Variants in IGSF11 observed in about 807,000 individuals in gnomAD.
The protein encoded by IGSF11 is CXADR like 1.
IGSF11 carries 22 observed loss-of-function variants against 41.0 expected under a neutral mutation model. The ratio of observed to expected loss-of-function variants is 0.54; its 90% CI spans 0.38 to 0.77. IGSF11 has a LOEUF of 0.77. Ranked by LOEUF, IGSF11 falls within the 30% of genes least tolerant of loss-of-function variation. The pLI is 0.00. For missense variants in IGSF11, 444 were observed against 530.8 expected, an observed-to-expected ratio of 0.84 and a Z score of 1.61; for synonymous variants, 219 against 201.3, an observed-to-expected ratio of 1.09 and a Z score of -0.74.
chr3:118,948,921 G>A (rs1407093338), intron 1 of IGSF11, among the ~76,000 whole-genome samples: 11 of 149,450 alleles, frequency 7.4e-5, no homozygotes, highest in Non-Finnish European at 1.3e-4. Context: ...GCAGTGAGCC[G>A]AGATCGCGCC....
At chr3:118,992,654 A>G (rs1935901632) in intron 1 of IGSF11, among the ~76,000 whole-genome samples, 1 of 152,216 alleles carries the variant, frequency 6.6e-6, no homozygotes, top group South Asian at 2.1e-4. Flanking sequence ...CAGGCCCTTA[A>G]TTAAGTTACA....
At chr3:119,143,970 A>G (rs1025349312) in intron 1 of IGSF11, among the ~76,000 whole-genome samples, 2 of 151,924 alleles carry the variant, frequency 1.3e-5, no homozygotes, top group African/African-American at 4.8e-5. Flanking sequence ...AGAAAACAAC[A>G]AGCTCAAATT....
rs192046089 is a variant in IGSF11 at position 118,913,412 on chromosome 3, C to T, written c.581-7694G>A. 1.1e-4 allele frequency among the ~76,000 whole-genome samples: 17 copies of T among 152,120 alleles called. No homozygotes were observed. The East Asian group carries it at 3.1e-3, about 28-fold the overall frequency. ...CTACAGAACACCAAGTACAAAACAA[C>T]TGCAAAAAGCAAAGGAAGGAAAACA... On this transcript the variant is annotated intron_variant, in intron 4 of 6. Coordinates refer to ENST00000393775, the MANE Select transcript of IGSF11 (RefSeq NM_001015887.3).
intron 1 of IGSF11, among the ~76,000 whole-genome samples, chr3:118,965,138 A>G (rs1367363765): frequency 6.6e-6 from 1 of 152,184 alleles, no homozygotes; most frequent in Non-Finnish European, 1.5e-5. Flanking sequence ...TAGGCTGATT[A>G]TCTTCCCAGA....
rs10662902 is a variant in IGSF11, at chr3:119,029,237, T to TACACACACAC, written c.52+5284_52+5293dup. ...TAGACATGGTACTGCCTTTTGGGAA[T>TACACACACAC]ACACACACACACACACACACACACA... On this transcript the variant is annotated intron_variant, in intron 1 of 6. Coordinates refer to ENST00000393775, the MANE Select transcript of IGSF11 (RefSeq NM_001015887.3). Among the ~76,000 whole-genome samples the TACACACACAC allele has an allele frequency of 2.8e-3, 350 of 123,186 alleles. 1 individual carries two copies. Among genetic ancestry groups the TACACACACAC allele is most frequent in the East Asian group, 3.7e-3 (16 of 4,316 alleles). The allele number at this position is 123,186 out of a possible 152,430, so 80.8% of individuals were successfully genotyped here.
At chr3:119,055,425 C>A (rs1187532322) in intron 1 of IGSF11, among the ~76,000 whole-genome samples, 1 of 152,256 alleles carries the variant, frequency 6.6e-6, no homozygotes, top group Admixed American at 6.5e-5. Context: ...GCTAACTATC[C>A]TAAATACATA....
chr3:118,959,052 G>C (rs1415537525), intron 1 of IGSF11, among the ~76,000 whole-genome samples: 1 of 152,144 alleles, frequency 6.6e-6, no homozygotes, highest in Admixed American at 6.5e-5. Flanking sequence ...GTGTAGGGGA[G>C]AGAAGGCTGT....
upstream of IGSF11, among the ~76,000 whole-genome samples, chr3:119,035,418 G>A (rs1045581663): frequency 1.3e-5 from 2 of 152,166 alleles, no homozygotes; most frequent in Non-Finnish European, 2.9e-5. Context: ...AGTGGATAGA[G>A]GCTGGACCAT....
intron 4 of IGSF11, among the ~76,000 whole-genome samples, chr3:118,907,801 A>C (rs1435283047): frequency 6.6e-6 from 1 of 152,218 alleles, no homozygotes; most frequent in South Asian, 2.1e-4. Context: ...CCAAGTCCAA[A>C]GCTTATACTC....
At chr3:119,129,077 G>A (rs576312303) in intron 1 of IGSF11, among the ~76,000 whole-genome samples, 3 of 152,202 alleles carry the variant, frequency 2.0e-5, no homozygotes, top group East Asian at 3.9e-4. Context: ...ACCAAACACC[G>A]CATATTCTCA....
chr3:119,144,207 A>G (rs1279968629), intron 1 of IGSF11, among the ~76,000 whole-genome samples: 1 of 152,072 alleles, frequency 6.6e-6, no homozygotes, highest in Non-Finnish European at 1.5e-5. Context: ...ACACCACCAC[A>G]CCCGGCTGAT....
intron 1 of IGSF11, among the ~76,000 whole-genome samples, chr3:119,080,376 T>G (rs1010090841): frequency 6.6e-6 from 1 of 152,190 alleles, no homozygotes; most frequent in Non-Finnish European, 1.5e-5. Context: ...CTCATTTTAC[T>G]CCAAAAAAAT....
At chr3:119,039,793 A>G (rs1941047554), upstream of IGSF11, among the ~76,000 whole-genome samples, 1 of 152,146 alleles carries the variant, frequency 6.6e-6, no homozygotes, top group Non-Finnish European at 1.5e-5. Flanking sequence ...TTCACTTCTT[A>G]AGATCTTTTC....
chr3:118,976,037 TA>T (rs201339955), intron 1 of IGSF11, among the ~76,000 whole-genome samples: 11 of 151,778 alleles, frequency 7.2e-5, no homozygotes, highest in African/African-American at 2.4e-4. Flanking sequence ...ATAAAAATTT[TA>T]AAAAAAACAG....
chr3:119,083,288 T>C (rs561285723), intron 1 of IGSF11, among the ~76,000 whole-genome samples: 2 of 152,088 alleles, frequency 1.3e-5, no homozygotes, highest in African/African-American at 4.8e-5. Context: ...CCCAGCTATT[T>C]TAATGCATTT....
At chr3:118,925,969 C>A in intron 4 of IGSF11, 132 bp downstream of exon 4, 1 of 546,736 alleles carries the variant, frequency 1.8e-6, no homozygotes, top group Non-Finnish European at 2.9e-6. Flanking sequence ...TTTGAAAACA[C>A]AAAATGATCC....
At chr3:119,123,359 T>A (rs934282167) in intron 1 of IGSF11, among the ~76,000 whole-genome samples, 7 of 151,948 alleles carry the variant, frequency 4.6e-5, no homozygotes, top group Middle Eastern at 3.2e-3. Context: ...ATGTCTAAGG[T>A]TTTTTACTCC....
intron 1 of IGSF11, among the ~76,000 whole-genome samples, chr3:118,969,083 T>A (rs1235876704): frequency 2.0e-5 from 3 of 152,008 alleles, no homozygotes; most frequent in African/African-American, 7.3e-5. Context: ...AAACAGGGTA[T>A]GGCCCATGTT....
At chr3:118,931,413 C>G (rs1013185485) in intron 1 of IGSF11, among the ~76,000 whole-genome samples, 2 of 152,172 alleles carry the variant, frequency 1.3e-5, no homozygotes, top group Admixed American at 6.5e-5. Flanking sequence ...AAATATCCAT[C>G]AACTGGTGAA....
Sources: allele counts gnomAD v4.1 joint callset (sites outside exome capture counted in the v4.1 genomes callset), GRCh38; gene constraint gnomAD v4.1.1; transcripts MANE v1.5; gene names NCBI Gene and HGNC (gene_info 2026-07-23, HGNC 2026-07-21).